The following RGS13 variants were observed in gnomAD, a reference collection of about 807,000 sequenced individuals.
RGS13 encodes regulator of G protein signaling 13, also known as regulator of G-protein signalling 13.
RGS13 carries 14 observed loss-of-function variants against 19.9 expected under a neutral mutation model. The observed-to-expected ratio is 0.70, with a 90% CI of 0.46 to 1.10. RGS13 has a LOEUF of 1.10. Among genes scored for constraint, RGS13 ranks in the 50% least tolerant of loss-of-function variants. The pLI is 0.00. For synonymous variants in RGS13, 60 were observed against 56.8 expected (o/e 1.06, Z -0.25); for missense variants, 205 against 187.1 (o/e 1.10, Z -0.56).
At chr1:192,650,626 T>C (rs1571584415) in intron 5 of RGS13, among the ~76,000 whole-genome samples, 1 of 151,940 alleles carries the variant, frequency 6.6e-6, no homozygotes, top group African/African-American at 2.4e-5. Context: ...TAGGGAGCCA[T>C]TAAGTCATAG....
At chr1:192,647,048 C>T (rs1203057224) in intron 4 of RGS13, 2 of 151,950 alleles carry the variant, frequency 1.3e-5, no homozygotes, top group Non-Finnish European at 2.9e-5. Context: ...AAAACTGATA[C>T]AAAAAAATTC....
intron 5 of RGS13, among the ~76,000 whole-genome samples, chr1:192,650,123 A>C (rs6428130): frequency 0.083 from 12,552 of 152,100 alleles, 1,044 homozygotes; most frequent in African/African-American, 0.21. Flanking sequence ...GCCTTATTAA[A>C]AAAATGAATA....
chr1:192,641,044 T>C (rs1338356172), intron 3 of RGS13, among the ~76,000 whole-genome samples: 2 of 151,530 alleles, frequency 1.3e-5, no homozygotes, highest in Admixed American at 1.3e-4. Flanking sequence ...GACAAGAATC[T>C]GTCTCTCTGT....
chr1:192,638,669 C>T (rs1663054080), intron 3 of RGS13, among the ~76,000 whole-genome samples: 1 of 152,062 alleles, frequency 6.6e-6, no homozygotes, highest in African/African-American at 2.4e-5. Flanking sequence ...TCTCCAGTTC[C>T]ATTTCCTAAA....
At chr1:192,647,488 T>G (rs1663242632) in intron 4 of RGS13, 1 of 152,216 alleles carries the variant, frequency 6.6e-6, no homozygotes, top group Non-Finnish European at 1.5e-5. Context: ...CATTTGTAAT[T>G]ATAAATTATA....
intron 3 of RGS13, among the ~76,000 whole-genome samples, chr1:192,643,555 T>C (rs1055109932): frequency 6.6e-6 from 1 of 152,170 alleles, no homozygotes; most frequent in Non-Finnish European, 1.5e-5. Context: ...CCCTTAAAAT[T>C]CACTCAGAAG....
intron 3 of RGS13, among the ~76,000 whole-genome samples, chr1:192,643,026 AT>A (rs1189767516): frequency 6.6e-6 from 1 of 151,534 alleles, no homozygotes; most frequent in Non-Finnish European, 1.5e-5. Context: ...TGACCAGCTA[AT>A]TTTTTTTATT....
chr1:192,641,245 A>AAAGAAAGAAAG (rs71111415), intron 3 of RGS13, among the ~76,000 whole-genome samples: 15 of 86,138 alleles, frequency 1.7e-4, no homozygotes, highest in African/African-American at 3.2e-4. Flanking sequence ...AGAAAGAAAG[A>AAAGAAAGAAAG]AAAGAAAGAA....
chr1:192,648,068 A>G (rs1282871882), intron 5 of RGS13, 81 bp downstream of exon 5: 1 of 933,354 alleles, frequency 1.1e-6, no homozygotes. Context: ...CAGATGATGA[A>G]TGTATGCTAT....
chr1:192,659,538 T>C lies in RGS13; in HGVS notation c.*15T>C. 1 of 1,581,054 alleles carries C rather than the reference T, an allele frequency of 6.3e-7. No homozygotes were observed. Among genetic ancestry groups the C allele is most frequent in the Non-Finnish European group, 8.6e-7 (1 of 1,160,898 alleles). The stretch of plus-strand genomic sequence containing the variant: ...ACAGTTTCTGACTACAACTCAAAAG[T>C]TTAAATAGAAAACAGTATATTGAAA... On this transcript the variant is annotated 3_prime_UTR_variant, in exon 7 of 7. Transcript: ENST00000391995.
intron 3 of RGS13, among the ~76,000 whole-genome samples, chr1:192,641,281 A>G (rs1162079636): frequency 1.0e-4 from 12 of 117,610 alleles, no homozygotes; most frequent in Admixed American, 4.5e-4. Context: ...AAAGAAAGAA[A>G]GAAAGAAAGA....
In RGS13 at chr1:192,641,237, AAAG is replaced by A. The variant is rs1426095520; in HGVS notation, c.-5+3037_-5+3039del. Reference sequence around the variant, plus strand: ...GAAAGAAAGAGAGAAAGAAAGAAAGAAAGAAAGAAAAGAAAGAAAAGAAAGAAA... The same window carrying A: ...GAAAGAAAGAGAGAAAGAAAGAAAGAAAAGAAAAGAAAGAAAAGAAAGAAA... On this transcript the variant is annotated intron_variant, in intron 3 of 6. Transcript: ENST00000391995. Among the ~76,000 whole-genome samples the A allele has an allele frequency of 3.4e-3, 257 of 76,042 alleles. 1 individual carries two copies. Among genetic ancestry groups the A allele is most frequent in the African/African-American group, 5.0e-3 (72 of 14,420 alleles). The allele number at this position is 76,042 out of a possible 152,430, so 49.9% of individuals were successfully genotyped here. A position where few individuals can be genotyped will look rare whatever the true frequency, so the allele number is the denominator to read the frequency against.
chr1:192,644,346 G>A lies in RGS13; in HGVS notation c.12G>A (p.Arg4=). 6.2e-7 allele frequency: 1 copy of A among 1,610,720 alleles called. No individual in the cohort carries two copies. The highest frequency in any genetic ancestry group is 8.5e-7 in the Non-Finnish European group (1 of 1,177,672). The change falls in exon 4 of 7, where the codon CGG becomes CGA. Residue 4 remains arginine (R), a synonymous_variant. Coordinates refer to ENST00000391995, the MANE Select transcript of RGS13 (RefSeq NM_002927.5). ...ATTTCCTTAGAAAAATGAGCAGGCG[G>A]AATTGTTGGATTTGTAAGATGTGCA... MSR[R]NCWICKMCRD... is the part of the protein sequence containing the mutation.
intron 5 of RGS13, among the ~76,000 whole-genome samples, chr1:192,651,928 T>A (rs1232767105): frequency 6.6e-6 from 1 of 152,036 alleles, no homozygotes; most frequent in Non-Finnish European, 1.5e-5. Context: ...CTGGGCAGTG[T>A]TGAGTGTCTG....
intron 6 of RGS13, 84 bp from the exon 7 acceptor site, chr1:192,659,254 G>T: frequency 1.1e-6 from 1 of 890,060 alleles, no homozygotes; most frequent in South Asian, 2.1e-5. Flanking sequence ...AAGGAGAGCA[G>T]AGAATAAATT....
intron 3 of RGS13, among the ~76,000 whole-genome samples, chr1:192,642,842 A>T (rs1663149385): frequency 6.6e-6 from 1 of 151,634 alleles, no homozygotes; most frequent in African/African-American, 2.4e-5. Flanking sequence ...AGTCCCCATC[A>T]CATTTCGGGA....
At chr1:192,644,287 T>C in intron 3 of RGS13, 44 bp from the exon 4 acceptor site, 2 of 1,362,832 alleles carry the variant, frequency 1.5e-6, no homozygotes, top group Non-Finnish European at 2.0e-6. Context: ...CATACAATTA[T>C]TTTAAATGAT....
At chr1:192,650,404 A>G (rs575788337) in intron 5 of RGS13, among the ~76,000 whole-genome samples, 4 of 152,252 alleles carry the variant, frequency 2.6e-5, no homozygotes, top group Admixed American at 2.6e-4. Flanking sequence ...ACAAAACTAA[A>G]AATACAAATA....
At chr1:192,641,653 CTG>C (rs1663124883) in intron 3 of RGS13, among the ~76,000 whole-genome samples, 1 of 152,168 alleles carries the variant, frequency 6.6e-6, no homozygotes, top group African/African-American at 2.4e-5. Flanking sequence ...TCCTTGGTTT[CTG>C]TGATACTGTG....
Sources: gnomAD v4.1 joint callset for allele counts (sites outside exome capture counted in the v4.1 genomes callset) on GRCh38, gnomAD v4.1.1 for gene constraint, MANE v1.5 for transcripts, NCBI Gene and HGNC (gene_info 2026-07-23, HGNC 2026-07-21) for gene names.